Variants in CPAP observed in about 807,000 individuals in gnomAD.
The protein encoded by CPAP is centrosomal P4.1-associated protein.
At chr13:24,899,901 A>T in the CPAP span, among the ~76,000 whole-genome samples, 1 of 152,078 alleles carries the variant, frequency 6.6e-6, no homozygotes, top group Non-Finnish European at 1.5e-5. Context: ...ATTCAAGGTT[A>T]TAATGAGCTG....
chr13:24,888,440 T>C, the CPAP span, among the ~76,000 whole-genome samples: 145 of 152,290 alleles, frequency 9.5e-4, no homozygotes, highest in African/African-American at 3.3e-3. Context: ...CCTCAAATGC[T>C]GACTAAATGT....
the CPAP span, among the ~76,000 whole-genome samples, chr13:24,920,784 CT>C: frequency 0.33 from 46,241 of 140,046 alleles, 7,379 homozygotes; most frequent in South Asian, 0.42. Context: ...CCATACCTGG[CT>C]TTTTTTTTTT....
chr13:24,913,808 G>A, the CPAP span, among the ~76,000 whole-genome samples: 1 of 152,238 alleles, frequency 6.6e-6, no homozygotes, highest in Non-Finnish European at 1.5e-5. Flanking sequence ...AATTACATTG[G>A]CTCATGCCAT....
chr13:24,920,514 A>C, the CPAP span, among the ~76,000 whole-genome samples: 1 of 152,192 alleles, frequency 6.6e-6, no homozygotes, highest in African/African-American at 2.4e-5. Flanking sequence ...ACTGTATCAC[A>C]CTTTGAGAAC....
At chr13:24,909,515 G>A in the CPAP span, among the ~76,000 whole-genome samples, 2 of 149,984 alleles carry the variant, frequency 1.3e-5, no homozygotes, top group African/African-American at 2.5e-5. Flanking sequence ...GTGACAGAGC[G>A]AGACTGTCTC....
the CPAP span, chr13:24,886,327 G>A: frequency 9.3e-6 from 12 of 1,289,282 alleles, no homozygotes; most frequent in African/African-American, 1.5e-5. Flanking sequence ...TGAAGGAGGA[G>A]AGCGGAGGCA....
the CPAP span, among the ~76,000 whole-genome samples, chr13:24,930,704 A>T: frequency 1.7e-4 from 26 of 152,236 alleles, no homozygotes; most frequent in Admixed American, 1.7e-3. Flanking sequence ...TTCTTTATCC[A>T]ATCCATTGTT....
the CPAP span, among the ~76,000 whole-genome samples, chr13:24,887,322 C>T: frequency 6.6e-6 from 1 of 152,164 alleles, no homozygotes. Context: ...TGGTCTGTGG[C>T]CTGTAGGAAC....
the CPAP span, among the ~76,000 whole-genome samples, chr13:24,927,591 A>G: frequency 1.1e-4 from 17 of 152,306 alleles, no homozygotes; most frequent in East Asian, 3.3e-3. Context: ...GCAAAACAGG[A>G]CAGAGAAAAA....
the CPAP span, chr13:24,884,075 AAT>A: frequency 6.2e-7 from 1 of 1,602,182 alleles, no homozygotes; most frequent in East Asian, 2.3e-5. Context: ...CCATCTGGGT[AAT>A]GTTTTTCTGT....
At chr13:24,912,002 A>G in the CPAP span, 1 of 1,613,932 alleles carries the variant, frequency 6.2e-7, no homozygotes, top group African/African-American at 1.3e-5. Flanking sequence ...TTCTTCCATG[A>G]GTCTCTGTAG....
At chr13:24,908,138 A>C in the CPAP span, 1 of 1,569,702 alleles carries the variant, frequency 6.4e-7, no homozygotes, top group Admixed American at 1.7e-5. Flanking sequence ...TGAGATAAAA[A>C]TTAAGAACAA....
At chr13:24,918,336 AAC>A in the CPAP span, among the ~76,000 whole-genome samples, 1 of 152,220 alleles carries the variant, frequency 6.6e-6, no homozygotes, top group Admixed American at 6.5e-5. Flanking sequence ...TTTCAGCAAA[AAC>A]ACAGCAATTT....
the CPAP span, among the ~76,000 whole-genome samples, chr13:24,888,000 A>G: frequency 6.6e-6 from 1 of 152,172 alleles, no homozygotes; most frequent in Non-Finnish European, 1.5e-5. Context: ...CCGGGCTGCC[A>G]CTCATCTATG....
At chr13:24,894,322 G>A in the CPAP span, among the ~76,000 whole-genome samples, 2 of 152,358 alleles carry the variant, frequency 1.3e-5, no homozygotes, top group East Asian at 3.9e-4. Flanking sequence ...GTGGCAACTG[G>A]AATCTGAGTG....
the CPAP span, chr13:24,889,222 AAC>A: frequency 1.1e-6 from 1 of 915,374 alleles, no homozygotes; most frequent in Non-Finnish European, 1.8e-6. Context: ...AATGTTCAAA[AAC>A]ATTTATTAAG....
At chr13:24,899,169 C>T in the CPAP span, among the ~76,000 whole-genome samples, 3 of 152,192 alleles carry the variant, frequency 2.0e-5, no homozygotes, top group African/African-American at 7.2e-5. Context: ...CTTGTTAATT[C>T]ATCCATGACA....
the CPAP span, chr13:24,907,013 A>C: frequency 6.2e-7 from 1 of 1,600,472 alleles, no homozygotes; most frequent in Non-Finnish European, 8.6e-7. Flanking sequence ...AAGTGATCTC[A>C]AAGTTATTTT....
chr13:24,885,285 A>G, the CPAP span: 1 of 1,598,262 alleles, frequency 6.3e-7, no homozygotes, highest in South Asian at 1.1e-5. Context: ...CCTTTCCATC[A>G]GGATGACTGA....
Sources: gnomAD v4.1 joint callset for allele counts (sites outside exome capture counted in the v4.1 genomes callset) on GRCh38, gnomAD v4.1.1 for gene constraint, MANE v1.5 for transcripts, NCBI Gene and HGNC (gene_info 2026-07-23, HGNC 2026-07-21) for gene names.